PAPPA: variants seen among roughly 807,000 people sequenced by gnomAD.
The protein encoded by PAPPA is pappalysin-1.
A neutral mutation model predicts 164.0 loss-of-function variants in PAPPA; 60 were observed. The ratio of observed to expected loss-of-function variants is 0.37; its 90% confidence interval spans 0.30 to 0.45. The LOEUF (loss-of-function observed/expected upper bound fraction) is 0.45. PAPPA is among the 20% of genes least tolerant of loss of function. PAPPA has a pLI of 1.00. For missense variants in PAPPA, 1,782 were observed against 2,087.3 expected (o/e 0.85, Z 2.85); for synonymous variants, 875 against 814.1 (o/e 1.07, Z -1.27).
chr9:116,212,933 A>G (rs1285751523), intron 4 of PAPPA, among the ~76,000 whole-genome samples: 19 of 152,114 alleles, frequency 1.2e-4, no homozygotes, highest in Non-Finnish European at 2.9e-5. Context: ...AACTATCCCC[A>G]CTCTACAGAT....
At chr9:116,292,075 G>C (rs1249261349) in intron 9 of PAPPA, among the ~76,000 whole-genome samples, 1 of 152,186 alleles carries the variant, frequency 6.6e-6, no homozygotes, top group Non-Finnish European at 1.5e-5. Context: ...ATAGATACTT[G>C]TTGTGTCGAT....
chr9:116,269,211 A>G (rs2118821505), intron 8 of PAPPA, among the ~76,000 whole-genome samples: 1 of 152,306 alleles, frequency 6.6e-6, no homozygotes, highest in African/African-American at 2.4e-5. Context: ...TTATTATAAT[A>G]CTTTACGGAT....
intron 15 of PAPPA, 89 bp from the exon 16 acceptor site, chr9:116,352,617 T>C (rs1184139651): frequency 1.1e-5 from 11 of 1,020,256 alleles, no homozygotes; most frequent in Admixed American, 1.8e-5. Flanking sequence ...TCCTGGTTCT[T>C]CAAGTCAGCT....
At chr9:116,267,339 A>G (rs1400469591) in intron 8 of PAPPA, among the ~76,000 whole-genome samples, 1 of 152,282 alleles carries the variant, frequency 6.6e-6, no homozygotes. Flanking sequence ...AAGAGCTGGC[A>G]TATAAATACT....
At chr9:116,355,465 A>G (rs1846340521) in intron 17 of PAPPA, among the ~76,000 whole-genome samples, 1 of 152,184 alleles carries the variant, frequency 6.6e-6, no homozygotes, top group African/African-American at 2.4e-5. Flanking sequence ...TCCTGTTCTC[A>G]TACACTCTCG....
intron 7 of PAPPA, among the ~76,000 whole-genome samples, chr9:116,263,888 T>C (rs1428382137): frequency 1.3e-5 from 2 of 152,164 alleles, no homozygotes; most frequent in Non-Finnish European, 2.9e-5. Flanking sequence ...TCGTGACACA[T>C]GCCAGAAGTG....
At position 116,362,607 on chromosome 9, in the gene PAPPA, G is replaced by T. The variant is rs200481430; in HGVS notation, c.4363G>T (p.Val1455Phe). The T allele has an allele frequency of 6.2e-7, 1 of 1,613,882 alleles. No individual in the cohort carries two copies. Among genetic ancestry groups the T allele is most frequent in the African/African-American group, 1.3e-5 (1 of 75,048 alleles). The change falls in exon 18 of 22, where the codon GTC becomes TTC. Residue 1455 changes from valine (V) to phenylalanine (F), a missense_variant. Physicochemically the swap from Val to Phe is conservative, Grantham distance 50. Transcript: ENST00000328252. The part of the protein sequence containing the change: ...SDASQGLGSN[V>F]IHCRKDGTWN... ...TGTTGTTCAGGGACTTGGGAGCAAT[G>T]TCATTCATTGCCGGAAAGATGGCAC...
At chr9:116,289,657 T>C (rs1355039339) in intron 9 of PAPPA, among the ~76,000 whole-genome samples, 1 of 152,134 alleles carries the variant, frequency 6.6e-6, no homozygotes, top group East Asian at 1.9e-4. Context: ...ATTAGAATCA[T>C]ATAGAATGTC....
At chr9:116,380,005 T>C (rs1181485695) in intron 20 of PAPPA, among the ~76,000 whole-genome samples, 1 of 152,204 alleles carries the variant, frequency 6.6e-6, no homozygotes, top group Non-Finnish European at 1.5e-5. Flanking sequence ...ATCTTTATGA[T>C]CTCAGCTGAA....
At position 116,299,319 on chromosome 9, in the gene PAPPA, T is replaced by G. The variant is rs1384796681; in HGVS notation, c.2954-3438T>G. Reference sequence around the variant, plus strand: ...TTCCTCTACGTATCTATATATCATCTATTACTTATCGACCTGCCTGTATAC... The same window carrying G: ...TTCCTCTACGTATCTATATATCATCGATTACTTATCGACCTGCCTGTATAC... On this transcript the variant is annotated intron_variant, in intron 9 of 21. Coordinates refer to ENST00000328252, the MANE Select transcript of PAPPA (RefSeq NM_002581.5). 3.3e-5 allele frequency among the ~76,000 whole-genome samples: 5 copies of G among 152,300 alleles called. No individual in the cohort carries two copies. In the East Asian group the frequency reaches 7.7e-4, roughly 24 times the overall value.
intron 13 of PAPPA, among the ~76,000 whole-genome samples, chr9:116,336,161 G>A (rs750513163): frequency 4.6e-5 from 7 of 152,068 alleles, no homozygotes; most frequent in Non-Finnish European, 1.0e-4. Flanking sequence ...AGAAGAGAGA[G>A]TTGTGATTTT....
intron 7 of PAPPA, among the ~76,000 whole-genome samples, chr9:116,251,381 G>A (rs1281238711): frequency 6.6e-6 from 1 of 152,166 alleles, no homozygotes; most frequent in Admixed American, 6.5e-5. Context: ...TCCCCAAATG[G>A]TTTTAGATGT....
chr9:116,368,692 A>G (rs1846533488), intron 19 of PAPPA, among the ~76,000 whole-genome samples: 3 of 152,132 alleles, frequency 2.0e-5, no homozygotes, highest in Non-Finnish European at 4.4e-5. Flanking sequence ...GAGAAACCGA[A>G]AGAAGGAGGC....
intron 7 of PAPPA, among the ~76,000 whole-genome samples, chr9:116,257,460 G>T (rs982233484): frequency 1.3e-5 from 2 of 151,972 alleles, no homozygotes; most frequent in African/African-American, 2.4e-5. Context: ...CAGTGCTTTG[G>T]GAGGCCAAGG....
At chr9:116,364,644 C>T (rs747092015) in intron 18 of PAPPA, among the ~76,000 whole-genome samples, 1 of 152,080 alleles carries the variant, frequency 6.6e-6, no homozygotes, top group African/African-American at 2.4e-5. Context: ...CAGAAAGACG[C>T]ACAAAAGGCA....
At position 116,400,836 on chromosome 9, in the gene PAPPA, G is replaced by C. The variant is rs928879499; in HGVS notation, c.*4220G>C. 4 of 152,598 alleles carry C rather than the reference G, an allele frequency of 2.6e-5. No individual in the cohort carries two copies. The highest frequency in any genetic ancestry group is 9.6e-5 in the African/African-American group (4 of 41,452). The allele number at this position is 152,598 out of a possible 1,614,324, so 9.5% of individuals were successfully genotyped here. On this transcript the variant is annotated 3_prime_UTR_variant, in exon 22 of 22. Coordinates refer to ENST00000328252, the MANE Select transcript of PAPPA (RefSeq NM_002581.5). ...CTGTTGTACAGAAGTTAGAATTTTT[G>C]ACTCCAGGCAGCAGTTTGCTCAGTG...
chr9:116,246,426 T>A (rs763474740), intron 7 of PAPPA, among the ~76,000 whole-genome samples: 6 of 152,274 alleles, frequency 3.9e-5, no homozygotes, highest in African/African-American at 1.2e-4. Context: ...CTTTAAAAAA[T>A]TTTTCTTATT....
At chr9:116,308,708 T>C (rs766680928) in intron 10 of PAPPA, among the ~76,000 whole-genome samples, 1 of 152,194 alleles carries the variant, frequency 6.6e-6, no homozygotes, top group Non-Finnish European at 1.5e-5. Context: ...ACCGGGAAAG[T>C]GGGCATTCCC....
At chr9:116,279,009 G>T (rs1845235678) in intron 9 of PAPPA, among the ~76,000 whole-genome samples, 1 of 152,194 alleles carries the variant, frequency 6.6e-6, no homozygotes, top group South Asian at 2.1e-4. Flanking sequence ...CAGCAAAAAT[G>T]GTCCTGAACC....
Sources: allele counts gnomAD v4.1 joint callset (sites outside exome capture counted in the v4.1 genomes callset), GRCh38; gene constraint gnomAD v4.1.1; transcripts MANE v1.5; gene names NCBI Gene and HGNC (gene_info 2026-07-23, HGNC 2026-07-21).